PHKB: variants seen among roughly 807,000 people sequenced by gnomAD.
PHKB encodes the protein phosphorylase kinase regulatory subunit beta, also known as phosphorylase b kinase regulatory subunit beta.
PHKB carries 122 observed loss-of-function variants against 152.1 expected under a neutral mutation model. The ratio of observed to expected loss-of-function variants is 0.80; its 90% CI spans 0.69 to 0.93. The LOEUF is 0.93. Among genes scored for constraint, PHKB ranks in the 40% least tolerant of loss-of-function variants. The pLI is 0.00. For missense variants in PHKB, 1,304 were observed against 1,328.4 expected (o/e 0.98, Z 0.29); for synonymous variants, 436 against 464.9 (o/e 0.94, Z 0.80).
At chr16:47,633,319 A>G (rs956395000) in intron 14 of PHKB, among the ~76,000 whole-genome samples, 17 of 152,236 alleles carry the variant, frequency 1.1e-4, no homozygotes, top group African/African-American at 4.1e-4. Context: ...AATACTAAAA[A>G]AAAAAGTTCC....
intron 7 of PHKB, chr16:47,565,025 G>T: frequency 5.6e-6 from 2 of 358,938 alleles, no homozygotes; most frequent in Non-Finnish European, 5.4e-6. Flanking sequence ...GGTTTGATTT[G>T]CTCTCTAATG....
intron 26 of PHKB, among the ~76,000 whole-genome samples, chr16:47,683,264 T>G (rs1973897483): frequency 6.6e-6 from 1 of 152,338 alleles, no homozygotes; most frequent in East Asian, 1.9e-4. Flanking sequence ...AGCTGTGTGC[T>G]GGGAGAACCA....
At chr16:47,608,890 CT>C (rs1290935428) in intron 13 of PHKB, among the ~76,000 whole-genome samples, 3 of 152,106 alleles carry the variant, frequency 2.0e-5, no homozygotes, top group Non-Finnish European at 4.4e-5. Context: ...CTTTTTATTA[CT>C]TTTTCTTTCC....
intron 7 of PHKB, among the ~76,000 whole-genome samples, chr16:47,564,459 G>A (rs77026829): frequency 0.049 from 7,487 of 151,916 alleles, 254 homozygotes; most frequent in Middle Eastern, 0.1. Context: ...CATGTTGGTT[G>A]GCCATTTGTG....
chr16:47,667,659 T>G (rs1451567220), intron 25 of PHKB, among the ~76,000 whole-genome samples: 1 of 152,186 alleles, frequency 6.6e-6, no homozygotes, highest in African/African-American at 2.4e-5. Flanking sequence ...TGAAAGAAAG[T>G]TAAACAGGCT....
At chr16:47,519,269 C>T (rs2151654380) in intron 6 of PHKB, among the ~76,000 whole-genome samples, 1 of 152,290 alleles carries the variant, frequency 6.6e-6, no homozygotes, top group South Asian at 2.1e-4. Context: ...CATGGAATTT[C>T]TCTCTTATTG....
In PHKB at chr16:47,497,439, A is replaced by T; in HGVS notation, c.117A>T (p.Arg39Ser). The stretch of plus-strand genomic sequence containing the variant: ...CTCTTAAAAGCATTAATCTTCCAAG[A>T]CCTGATAATGAAACTCTCTGGGATA... The part of the protein sequence containing the change: ...YEPLKSINLP[R>S]PDNETLWDKL... Residue 39 changes from arginine (R) to serine (S), a missense_variant, in exon 2 of 31, where the codon AGA (arginine) becomes AGT (serine). Arg to Ser is a moderately radical substitution (Grantham distance 110, BLOSUM62 -1). Transcript: ENST00000323584. The T allele has an allele frequency of 6.2e-7, 1 of 1,610,232 alleles. No homozygotes were observed. Among genetic ancestry groups the T allele is most frequent in the Non-Finnish European group, 8.5e-7 (1 of 1,178,296 alleles).
chr16:47,555,208 C>A (rs1407702742), intron 7 of PHKB, among the ~76,000 whole-genome samples: 3 of 152,212 alleles, frequency 2.0e-5, no homozygotes, highest in African/African-American at 7.2e-5. Flanking sequence ...ATAGAAGCTA[C>A]TGTCCAACCA....
chr16:47,502,025 C>T (rs1352215043), intron 3 of PHKB, among the ~76,000 whole-genome samples: 2 of 152,156 alleles, frequency 1.3e-5, no homozygotes, highest in Non-Finnish European at 2.9e-5. Flanking sequence ...TTTTTACTGA[C>T]ATTCACCATA....
chr16:47,690,401 A>G (rs1974039185), intron 27 of PHKB, among the ~76,000 whole-genome samples: 2 of 152,234 alleles, frequency 1.3e-5, no homozygotes, highest in Admixed American at 1.3e-4. Flanking sequence ...GAAAAAGTTA[A>G]TAAGACTATA....
At chr16:47,681,453 T>C (rs549997592) in intron 26 of PHKB, among the ~76,000 whole-genome samples, 13 of 144,016 alleles carry the variant, frequency 9.0e-5, no homozygotes, top group African/African-American at 3.2e-4. Flanking sequence ...ACTGGGTGCT[T>C]CTATGTTGGG....
intron 10 of PHKB, among the ~76,000 whole-genome samples, chr16:47,593,113 G>T (rs547392489): frequency 4.0e-5 from 6 of 148,990 alleles, no homozygotes; most frequent in East Asian, 2.0e-4. Context: ...AGAAAAAGAG[G>T]GGGGGGAGGG....
In PHKB at chr16:47,463,938, A is replaced by G. The variant is rs757625521; in HGVS notation, c.76+2512A>G. 37 of 1,614,026 alleles carry G rather than the reference A, an allele frequency of 2.3e-5. No individual in the cohort carries two copies. In the Middle Eastern group the frequency reaches 4.9e-4, roughly 22 times the overall value. On this transcript the variant is annotated intron_variant, in intron 1 of 30. Coordinates refer to ENST00000323584, the MANE Select transcript of PHKB (RefSeq NM_000293.3). ...CTTATGATTAGAGCCAACAATTTGA[A>G]ATGGCCTGCTCACCTGATGCAGTCG...
chr16:47,573,527 T>G (rs1474087144), intron 7 of PHKB, among the ~76,000 whole-genome samples: 3 of 152,160 alleles, frequency 2.0e-5, no homozygotes, highest in African/African-American at 4.8e-5. Flanking sequence ...AGCTCTCACT[T>G]TCTTAACACA....
intron 1 of PHKB, among the ~76,000 whole-genome samples, chr16:47,471,825 G>A (rs1212254385): frequency 1.3e-5 from 2 of 152,292 alleles, no homozygotes; most frequent in East Asian, 3.9e-4. Context: ...AATATAAAAT[G>A]TATATGTGTC....
intron 13 of PHKB, among the ~76,000 whole-genome samples, chr16:47,609,553 TTGTGTGTGTGTG>T (rs144647746): frequency 2.8e-5 from 4 of 143,736 alleles, no homozygotes; most frequent in Non-Finnish European, 6.1e-5. Context: ...GTGTGTGTGT[TTGTGTGTGTGTG>T]TGTGTGTGTG....
At chr16:47,526,304 G>A (rs960618963) in intron 6 of PHKB, among the ~76,000 whole-genome samples, 5 of 152,070 alleles carry the variant, frequency 3.3e-5, no homozygotes, top group East Asian at 1.9e-4. Context: ...AGCTGCTCGC[G>A]AGGCTGAGGC....
Position 47,699,401 on chromosome 16 carries a change from G to A in PHKB, c.*35G>A, listed in dbSNP as rs1199976851. ...TGTAGGAAGCTCTGTTGAGACACAT[G>A]TTCTGAAGTGTGTTGTGTTTCATGT... On this transcript the variant is annotated 3_prime_UTR_variant, in exon 31 of 31. Coordinates refer to ENST00000323584, the MANE Select transcript of PHKB (RefSeq NM_000293.3). 1.9e-6 allele frequency: 3 copies of A among 1,609,464 alleles called. No homozygotes were observed. Among genetic ancestry groups the A allele is most frequent in the African/African-American group, 2.7e-5 (2 of 74,840 alleles).
At chr16:47,555,404 A>G (rs1206730484) in intron 7 of PHKB, among the ~76,000 whole-genome samples, 1 of 152,218 alleles carries the variant, frequency 6.6e-6, no homozygotes, top group Non-Finnish European at 1.5e-5. Flanking sequence ...TGTGAATTCC[A>G]TGGTAGGTGT....
Sources: allele counts gnomAD v4.1 joint callset (sites outside exome capture counted in the v4.1 genomes callset), GRCh38; gene constraint gnomAD v4.1.1; transcripts MANE v1.5; gene names NCBI Gene and HGNC (gene_info 2026-07-23, HGNC 2026-07-21).